The following FZD5 variants were observed in gnomAD, a reference collection of about 807,000 sequenced individuals.
The protein encoded by FZD5 is frizzled class receptor 5, also known as frizzled-5.
In FZD5, 12 loss-of-function variants were observed where a neutral mutation model predicts 40.8. The ratio of observed to expected loss-of-function variants is 0.29; its 90% CI spans 0.19 to 0.48. FZD5 has a LOEUF of 0.48. Ranked by LOEUF, FZD5 falls within the 20% of genes least tolerant of loss-of-function variation. The pLI is 0.99. For missense variants in FZD5, 622 were observed against 832.8 expected (o/e 0.75, Z 3.12); for synonymous variants, 380 against 383.7 (o/e 0.99, Z 0.11).
Position 207,768,437 on chromosome 2 carries a change from C to T in FZD5, c.303G>A (p.Pro101=). The T allele has an allele frequency of 6.2e-7, 1 of 1,608,384 alleles. No homozygotes were observed. Among genetic ancestry groups the T allele is most frequent in the African/African-American group, 1.3e-5 (1 of 75,016 alleles). The change falls in exon 2 of 2, where the codon CCG becomes CCA. Residue 101 remains proline (P), a synonymous_variant. Transcript: ENST00000295417. The part of the protein sequence containing the change: ...TPICLPDYHK[P]LPPCRSVCER... ...CGCACACCGAGCGGCAGGGCGGCAG[C>T]GGCTTGTGGTAGTCGGGCAGACAGA...
Position 207,768,814 on chromosome 2 carries a change from T to C in FZD5, c.-75A>G. 8.1e-7 allele frequency: 1 copy of C among 1,229,656 alleles called. No homozygotes were observed. Among genetic ancestry groups the C allele is most frequent in the Middle Eastern group, 2.7e-4 (1 of 3,702 alleles). 76.2% of individuals were successfully genotyped at this position (1,229,656 alleles called of 1,614,324 possible). ...GCAGAGGAATCCGGGCCGGGGCTTC[T>C]CCCTCCGGCGTCTCGTGTGTGGCGC... On this transcript the variant is annotated 5_prime_UTR_variant, in exon 2 of 2. Transcript: ENST00000295417.
chr2:207,767,887 A>C lies in FZD5; in HGVS notation c.853T>G (p.Phe285Val). ...TGGCCCACGACCAGACGCACCAGGAAGCCCAGCGACACGCACAGGTAGCAG... is the reference window on the plus strand; with the variant it reads ...TGGCCCACGACCAGACGCACCAGGACGCCCAGCGACACGCACAGGTAGCAG... The part of the protein sequence containing the change: ...SACYLCVSLG[F>V]LVRLVVGHAS... Residue 285 changes from phenylalanine to valine, a missense_variant, in exon 2 of 2, where the codon TTC becomes GTC. Around this residue, in one of 4 missense-constraint regions of FZD5, gnomAD observed 208 missense variants for 348.9 expected, o/e 0.60. Transcript: ENST00000295417. 1 of 1,599,238 alleles carries C rather than the reference A, an allele frequency of 6.3e-7. No homozygotes were observed. Among genetic ancestry groups the C allele is most frequent in the Non-Finnish European group, 8.5e-7 (1 of 1,172,986 alleles).
In FZD5 at chr2:207,768,593, C is replaced by T. The variant is rs1227825830; in HGVS notation, c.147G>A (p.Thr49=). The change falls in exon 2 of 2, where the codon ACG becomes ACA. Residue 49 remains threonine, a synonymous_variant. Coordinates refer to ENST00000295417, the MANE Select transcript of FZD5 (RefSeq NM_003468.4). ...CGTGGTTGAACTGGTTGGGCATGTG[C>T]GTCAGGTTGTAGCCGATGCCGCGGC... The part of the protein sequence containing the change: ...PMCRGIGYNL[T]HMPNQFNHDT... The T allele has an allele frequency of 1.2e-6, 2 of 1,613,838 alleles. No homozygotes were observed. Among genetic ancestry groups the T allele is most frequent in the Non-Finnish European group, 8.5e-7 (1 of 1,179,878 alleles).
Position 207,764,217 on chromosome 2 carries a change from T to C in FZD5, c.*2765A>G, listed in dbSNP as rs558898280. The C allele has an allele frequency of 2.6e-5, 4 of 152,364 alleles. No homozygotes were observed. The highest frequency in any genetic ancestry group is 9.6e-5 in the African/African-American group (4 of 41,556). 9.4% of individuals were successfully genotyped at this position (152,364 alleles called of 1,614,324 possible). On this transcript the variant is annotated 3_prime_UTR_variant, in exon 2 of 2. Coordinates refer to ENST00000295417, the MANE Select transcript of FZD5 (RefSeq NM_003468.4). ...AAGCTGTACACATAAGAGACTCCAATGGGCCCTAAGTCCTCCCCAGCTCCA... is the reference window on the plus strand; with the variant it reads ...AAGCTGTACACATAAGAGACTCCAACGGGCCCTAAGTCCTCCCCAGCTCCA...
chr2:207,767,368 T>C lies in FZD5; in HGVS notation c.1372A>G (p.Thr458Ala). Residue 458 changes from threonine (T) to alanine (A), a missense_variant, in exon 2 of 2, where the codon ACG (threonine) becomes GCG (alanine). Coordinates refer to ENST00000295417, the MANE Select transcript of FZD5 (RefSeq NM_003468.4). ...IRIGIFTLLY[T>A]VPASIVVACY... ...GCCACCACAATGCTGGCGGGGACCGTGTAGAGCAGCGTGAAGATGCCGATG... is the reference window on the plus strand; with the variant it reads ...GCCACCACAATGCTGGCGGGGACCGCGTAGAGCAGCGTGAAGATGCCGATG... 3 of 1,612,470 alleles carry C rather than the reference T, an allele frequency of 1.9e-6. No individual in the cohort carries two copies. Among genetic ancestry groups the C allele is most frequent in the Non-Finnish European group, 1.7e-6 (2 of 1,179,916 alleles).
At position 207,767,059 on chromosome 2, in the gene FZD5, C is replaced by A. The variant is rs1330231812; in HGVS notation, c.1681G>T (p.Ala561Ser). ...MAAGDYPEAS[A>S]ALTGRTGPPG... ...GGCCCGGTCCTGCCTGTGAGCGCGG[C>A]GCTCGCCTCGGGGTAGTCCCCTGCG... The change falls in exon 2 of 2, where the codon GCC becomes TCC. Residue 561 changes from alanine (A) to serine (S), a missense_variant. Physicochemically the swap from Ala to Ser is moderately conservative, Grantham distance 99. Coordinates refer to ENST00000295417, the MANE Select transcript of FZD5 (RefSeq NM_003468.4). The A allele has an allele frequency of 3.3e-6, 5 of 1,533,760 alleles. No individual in the cohort carries two copies. In the Admixed American group the frequency reaches 6.4e-5, roughly 20 times the overall value.
rs1252006774 is a variant in FZD5, at chr2:207,767,116, G to C, written c.1624C>G (p.Arg542Gly). The C allele has an allele frequency of 1.3e-6, 2 of 1,563,772 alleles. No homozygotes were observed. The highest frequency in any genetic ancestry group is 4.8e-5 in the East Asian group (2 of 41,856). The change falls in exon 2 of 2, where the codon CGG (arginine) becomes GGG (glycine). Residue 542 changes from arginine (R) to glycine (G), a missense_variant. This residue lies in a region of FZD5 where 154 missense variants were observed against 152.1 expected (regional missense o/e 1.01). Coordinates refer to ENST00000295417, the MANE Select transcript of FZD5 (RefSeq NM_003468.4). ...RFTSRCCCRP[R>G]RGHKSGGAMA... ...GCGCCCCCGCTCTTGTGGCCGCGCC[G>C]CGGGCGGCAGCAGCAGCGGCTGGTG...
Position 207,767,048 on chromosome 2 carries a change from T to C in FZD5, c.1692A>G (p.Thr564=). 1 of 1,522,914 alleles carries C rather than the reference T, an allele frequency of 6.6e-7. No homozygotes were observed. Among genetic ancestry groups the C allele is most frequent in the Non-Finnish European group, 8.7e-7 (1 of 1,145,734 alleles). 94.3% of individuals were successfully genotyped at this position (1,522,914 alleles called of 1,614,324 possible). A position where few individuals can be genotyped will look rare whatever the true frequency, so the allele number is the denominator to read the frequency against. ...GDYPEASAAL[T]GRTGPPGPAA... ...CGGGGCCCGGCGGCCCGGTCCTGCC[T>C]GTGAGCGCGGCGCTCGCCTCGGGGT... The change falls in exon 2 of 2, where the codon ACA becomes ACG. Residue 564 remains threonine, a synonymous_variant. Coordinates refer to ENST00000295417, the MANE Select transcript of FZD5 (RefSeq NM_003468.4).
At position 207,768,392 on chromosome 2, in the gene FZD5, G is replaced by C; in HGVS notation, c.348C>G (p.Cys116Trp). Residue 116 changes from cysteine to tryptophan, a missense_variant, in exon 2 of 2, where the codon TGC (cysteine) becomes TGG (tryptophan). Physicochemically the swap from Cys to Trp is radical, Grantham distance 215 (BLOSUM62 -2). This residue lies in a region of FZD5 where 144 missense variants were observed against 214.2 expected (regional missense o/e 0.67). Transcript: ENST00000295417. ...AGCCGTACTGGCGCATCAGCGGCGA[G>C]CAGCCGGCCTTGGCGCGCTCGCACA... The part of the protein sequence containing the change: ...RSVCERAKAG[C>W]SPLMRQYGFA... The C allele has an allele frequency of 6.2e-7, 1 of 1,603,320 alleles. No homozygotes were observed. The highest frequency in any genetic ancestry group is 8.5e-7 in the Non-Finnish European group (1 of 1,178,272).
In FZD5 at chr2:207,767,780, G is replaced by C. The variant is rs766258340; in HGVS notation, c.960C>G (p.Leu320=). The C allele has an allele frequency of 1.2e-5, 19 of 1,613,668 alleles. No homozygotes were observed. Among genetic ancestry groups the C allele is most frequent in the African/African-American group, 2.7e-5 (2 of 74,948 alleles). ...TGPALCTIVF[L]LVYFFGMASS... is the part of the protein sequence containing the mutation. ...TGGCCATGCCGAAGAAGTAGACCAG[G>C]AGGAAGACGATGGTGCACAGTGCAG... The change falls in exon 2 of 2, where the codon CTC becomes CTG. Residue 320 remains leucine, a synonymous_variant. Transcript: ENST00000295417.
chr2:207,767,446 C>T lies in FZD5; in HGVS notation c.1294G>A (p.Val432Ile). Residue 432 changes from valine to isoleucine, a missense_variant, in exon 2 of 2, where the codon GTC becomes ATC. Physicochemically the swap from Val to Ile is conservative, Grantham distance 29. Coordinates refer to ENST00000295417, the MANE Select transcript of FZD5 (RefSeq NM_003468.4). ...GFVSLFRIRS[V>I]IKQGGTKTDK... ...GTCTTGGTGCCGCCCTGCTTGATGA[C>T]GCTGCGGATGCGGAAGAGCGACACG... The T allele has an allele frequency of 6.2e-7, 1 of 1,612,036 alleles. No individual in the cohort carries two copies. The highest frequency in any genetic ancestry group is 1.1e-5 in the South Asian group (1 of 91,092).
At position 207,768,853 on chromosome 2, in the gene FZD5, C is replaced by T. The variant is rs966933618; in HGVS notation, c.-114G>A. ...CGTGTGTGGCGCCGGGGCTGGCAAC[C>T]TGTTGGTTGCTTTTTCCTTTAAAGA... On this transcript the variant is annotated 5_prime_UTR_variant, in exon 2 of 2. Transcript: ENST00000295417. 1 of 835,852 alleles carries T rather than the reference C, an allele frequency of 1.2e-6. No homozygotes were observed. The highest frequency in any genetic ancestry group is 1.8e-5 in the African/African-American group (1 of 56,852). The allele number at this position is 835,852 out of a possible 1,614,324, so 51.8% of individuals were successfully genotyped here. A position where few individuals can be genotyped will look rare whatever the true frequency, so the allele number is the denominator to read the frequency against.
Position 207,765,124 on chromosome 2 carries a change from T to C in FZD5, c.*1858A>G, listed in dbSNP as rs1156839892. On this transcript the variant is annotated 3_prime_UTR_variant, in exon 2 of 2. Transcript: ENST00000295417. ...TAGGTTTCTTCCCACCAGTAAAGTG[T>C]TTAAATTCCCCCTGGGAACTATGCA... 1.3e-5 allele frequency: 2 copies of C among 152,204 alleles called. No homozygotes were observed. Among genetic ancestry groups the C allele is most frequent in the African/African-American group, 4.8e-5 (2 of 41,464 alleles). 9.4% of individuals were successfully genotyped at this position (152,204 alleles called of 1,614,324 possible).
chr2:207,767,601 G>C lies in FZD5; in HGVS notation c.1139C>G (p.Ser380Cys). Residue 380 changes from serine to cysteine, a missense_variant, in exon 2 of 2, where the codon TCC becomes TGC. Physicochemically the swap from Ser to Cys is moderately radical, Grantham distance 112 (BLOSUM62 -1). Around this residue, in one of 4 missense-constraint regions of FZD5, gnomAD observed 208 missense variants for 348.9 expected, o/e 0.60. Transcript: ENST00000295417. ...VKSITALALS[S>C]VDGDPVAGIC... is the part of the protein sequence containing the mutation. ...GCCGGCCACTGGGTCCCCGTCCACG[G>C]AGCTCAGCGCCAGTGCCGTGATGGA... 1 of 1,612,656 alleles carries C rather than the reference G, an allele frequency of 6.2e-7. No individual in the cohort carries two copies. Among genetic ancestry groups the C allele is most frequent in the Non-Finnish European group, 8.5e-7 (1 of 1,179,824 alleles).
chr2:207,768,098 C>T lies in FZD5; in HGVS notation c.642G>A (p.Gln214=). The T allele has an allele frequency of 6.2e-7, 1 of 1,613,436 alleles. No homozygotes were observed. The highest frequency in any genetic ancestry group is 8.5e-7 in the Non-Finnish European group (1 of 1,179,844). ...HPLYNKVRTG[Q]VPNCAVPCYQ... ...AGCAGGGTACCGCGCAGTTGGGCACCTGGCCCGTCCGCACCTTGTTGTAGA... is the reference window on the plus strand; with the variant it reads ...AGCAGGGTACCGCGCAGTTGGGCACTTGGCCCGTCCGCACCTTGTTGTAGA... Residue 214 remains glutamine, a synonymous_variant, in exon 2 of 2, where the codon CAG becomes CAA. Coordinates refer to ENST00000295417, the MANE Select transcript of FZD5 (RefSeq NM_003468.4).
At position 207,763,721 on chromosome 2, in the gene FZD5, C is replaced by G. The variant is rs1486991203; in HGVS notation, c.*3261G>C. 1 of 152,624 alleles carries G rather than the reference C, an allele frequency of 6.6e-6. No individual in the cohort carries two copies. The highest frequency in any genetic ancestry group is 6.5e-5 in the Admixed American group (1 of 15,272). 9.5% of individuals were successfully genotyped at this position (152,624 alleles called of 1,614,324 possible). ...CTAGCTCTGGGGTTCCCATTCTGTA[C>G]TGGAGAGTGCAGGTCACGGATGCTG... On this transcript the variant is annotated 3_prime_UTR_variant, in exon 2 of 2. Coordinates refer to ENST00000295417, the MANE Select transcript of FZD5 (RefSeq NM_003468.4).
chr2:207,763,424 C>T lies in FZD5; in HGVS notation c.*3558G>A, dbSNP rs1258006321. ...TGGCAGTTCTTTCAGAACCACCCTC[C>T]GCAATCCAGACAGATTTGTTTCCCA... On this transcript the variant is annotated 3_prime_UTR_variant, in exon 2 of 2. Transcript: ENST00000295417. The T allele has an allele frequency of 6.6e-6, 1 of 152,576 alleles. No homozygotes were observed. Among genetic ancestry groups the T allele is most frequent in the Non-Finnish European group, 1.5e-5 (1 of 68,036 alleles). 9.5% of individuals were successfully genotyped at this position (152,576 alleles called of 1,614,324 possible). A position where few individuals can be genotyped will look rare whatever the true frequency, so the allele number is the denominator to read the frequency against.
At position 207,768,859 on chromosome 2, in the gene FZD5, G is replaced by A. The variant is rs1196651783; in HGVS notation, c.-120C>T. On this transcript the variant is annotated 5_prime_UTR_variant, in exon 2 of 2. Coordinates refer to ENST00000295417, the MANE Select transcript of FZD5 (RefSeq NM_003468.4). ...TGGCGCCGGGGCTGGCAACCTGTTGGTTGCTTTTTCCTTTAAAGAAAACCG... is the reference window on the plus strand; with the variant it reads ...TGGCGCCGGGGCTGGCAACCTGTTGATTGCTTTTTCCTTTAAAGAAAACCG... The A allele has an allele frequency of 1.2e-6, 1 of 813,896 alleles. No individual in the cohort carries two copies. Among genetic ancestry groups the A allele is most frequent in the Non-Finnish European group, 1.9e-6 (1 of 523,090 alleles). The allele number at this position is 813,896 out of a possible 1,614,324, so 50.4% of individuals were successfully genotyped here. A position where few individuals can be genotyped will look rare whatever the true frequency, so the allele number is the denominator to read the frequency against.
chr2:207,767,597 C>T lies in FZD5; in HGVS notation c.1143G>A (p.Val381=). 6.2e-7 allele frequency: 1 copy of T among 1,612,572 alleles called. No individual in the cohort carries two copies. The highest frequency in any genetic ancestry group is 8.5e-7 in the Non-Finnish European group (1 of 1,179,814). The part of the protein sequence containing the change: ...KSITALALSS[V]DGDPVAGICY... ...AGATGCCGGCCACTGGGTCCCCGTC[C>T]ACGGAGCTCAGCGCCAGTGCCGTGA... The change falls in exon 2 of 2, where the codon GTG becomes GTA. Residue 381 remains valine (V), a synonymous_variant. Transcript: ENST00000295417.
Sources: gnomAD v4.1 joint callset for allele counts on GRCh38, gnomAD v4.1.1 for gene constraint, gnomAD v4.1.1 regional missense constraint, MANE v1.5 for transcripts, NCBI Gene and HGNC (gene_info 2026-07-23, HGNC 2026-07-21) for gene names.